The following PCDHGB1 variants were observed in gnomAD, a reference collection of about 807,000 sequenced individuals.
The protein encoded by PCDHGB1 is protocadherin gamma-B1.
PCDHGB1 carries 34 observed loss-of-function variants against 56.6 expected under a neutral mutation model. The observed-to-expected ratio is 0.60, with a 90% CI of 0.46 to 0.80. The LOEUF is 0.80. PCDHGB1 is among the 30% of genes least tolerant of loss of function. The pLI is 0.00. For synonymous variants in PCDHGB1, 561 were observed against 505.9 expected, an observed-to-expected ratio of 1.11 and a Z score of -1.46; for missense variants, 1,278 against 1,204.6, an observed-to-expected ratio of 1.06 and a Z score of -0.90.
chr5:141,408,290 A>T (rs767669019), intron 1 of PCDHGB1: 80 of 1,613,008 alleles, frequency 5.0e-5, no homozygotes, highest in Non-Finnish European at 6.1e-5. Context: ...CCCCACCCTG[A>T]GTGAGCCGAT....
intron 1 of PCDHGB1, chr5:141,361,738 C>G (rs1860251): frequency 2.5e-6 from 4 of 1,613,022 alleles, no homozygotes; most frequent in Non-Finnish European, 3.4e-6. Flanking sequence ...ACTGCAGGCC[C>G]GCGACCAGGG....
chr5:141,413,194 C>T lies in PCDHGB1; in HGVS notation c.2409+60525C>T, dbSNP rs749749411. ...GACTACAATGGCCGCTCAAAGGAAT[C>T]GCTCAAAGGAATCAAAGGATTGCAG... On this transcript the variant is annotated intron_variant, in intron 1 of 3. Coordinates refer to ENST00000523390, the MANE Select transcript of PCDHGB1 (RefSeq NM_018922.3). 5.3e-5 allele frequency: 85 copies of T among 1,607,784 alleles called. No individual in the cohort carries two copies. Among genetic ancestry groups the T allele is most frequent in the Non-Finnish European group, 7.0e-5 (82 of 1,176,492 alleles).
intron 1 of PCDHGB1, chr5:141,384,511 G>A (rs1780163912): frequency 6.2e-7 from 1 of 1,614,188 alleles, no homozygotes; most frequent in Non-Finnish European, 8.5e-7. Flanking sequence ...ACATGACAGC[G>A]GGGACCCGCC....
chr5:141,413,461 C>G (rs1294898087), intron 1 of PCDHGB1: 11 of 1,614,082 alleles, frequency 6.8e-6, no homozygotes, highest in Non-Finnish European at 7.6e-6. Flanking sequence ...CAGGATAGAC[C>G]GGGAGGAGCT....
chr5:141,478,521 G>A, intron 1 of PCDHGB1: 1 of 1,610,618 alleles, frequency 6.2e-7, no homozygotes, highest in Non-Finnish European at 8.5e-7. Context: ...CAGGTGTTGG[G>A]TGCAGAGAGC....
intron 1 of PCDHGB1, among the ~76,000 whole-genome samples, chr5:141,464,549 C>T (rs2099086404): frequency 6.6e-6 from 1 of 152,014 alleles, no homozygotes; most frequent in Non-Finnish European, 1.5e-5. Flanking sequence ...TAGCTATTCC[C>T]CATCTTGCAT....
intron 1 of PCDHGB1, chr5:141,356,428 C>A: frequency 6.8e-6 from 11 of 1,608,476 alleles, no homozygotes; most frequent in Non-Finnish European, 8.5e-6. Flanking sequence ...ACACAGAACA[C>A]TGGACAGGGA....
rs2099698809 is a variant in PCDHGB1 at position 141,490,343 on chromosome 5, T to C, written c.2410-4464T>C. On this transcript the variant is annotated intron_variant, in intron 1 of 3. Transcript: ENST00000523390. This position sits in a 1 kb window ranked among gnomAD's most constrained non-coding sequence, Gnocchi z 5.4. ...CTAGAGAGCACACCAGTGGGCACAG[T>C]AGTGGGGTTGTTTAATGTGCGAGAC... The C allele has an allele frequency of 6.2e-7, 1 of 1,614,018 alleles. No individual in the cohort carries two copies. Among genetic ancestry groups the C allele is most frequent in the Admixed American group, 1.7e-5 (1 of 60,006 alleles).
chr5:141,387,742 C>T, intron 1 of PCDHGB1: 5 of 1,340,938 alleles, frequency 3.7e-6, no homozygotes, highest in Non-Finnish European at 5.0e-6. Context: ...CTTTACACCG[C>T]TTCCTCCTCG....
rs74792071 is a variant in PCDHGB1 at position 141,437,248 on chromosome 5, T to C, written c.2410-57559T>C. 4.6e-3 allele frequency among the ~76,000 whole-genome samples: 704 copies of C among 152,360 alleles called. 4 individuals carry two copies. The highest frequency in any genetic ancestry group is 0.015 in the African/African-American group (641 of 41,594). On this transcript the variant is annotated intron_variant, in intron 1 of 3. Transcript: ENST00000523390. ...CATAAAATTATGTCAAGGACTTTCC[T>C]TGTCTTTTTATGTGTATGACAGATG... is the stretch of plus-strand genomic sequence containing the variant.
chr5:141,441,036 A>G (rs2098219746), intron 1 of PCDHGB1: 1 of 152,216 alleles, frequency 6.6e-6, no homozygotes, highest in South Asian at 2.1e-4. Context: ...TGAAAACTTT[A>G]AGTACATTGG....
chr5:141,451,069 C>G (rs2098705799), intron 1 of PCDHGB1, among the ~76,000 whole-genome samples: 1 of 151,836 alleles, frequency 6.6e-6, no homozygotes, highest in Non-Finnish European at 1.5e-5. Flanking sequence ...ACCTTGTGAT[C>G]CACCCACCTT....
intron 1 of PCDHGB1, chr5:141,355,788 G>A: frequency 6.2e-7 from 1 of 1,613,646 alleles, no homozygotes; most frequent in Non-Finnish European, 8.5e-7. Flanking sequence ...AGCTGGTGCT[G>A]GAACGCGCTC....
chr5:141,389,488 A>G (rs1405287897), intron 1 of PCDHGB1: 2 of 1,612,912 alleles, frequency 1.2e-6, no homozygotes, highest in Non-Finnish European at 1.7e-6. Flanking sequence ...GCCCGCGACC[A>G]GGGCTCGCCA....
intron 1 of PCDHGB1, chr5:141,374,277 G>C: frequency 1.2e-6 from 2 of 1,613,958 alleles, no homozygotes; most frequent in African/African-American, 1.3e-5. Context: ...CACGGAGTCC[G>C]CATCGTCTCC....
rs752744809 is a variant in PCDHGB1, at chr5:141,393,680, T to C, written c.2409+41011T>C. On this transcript the variant is annotated intron_variant, in intron 1 of 3. Coordinates refer to ENST00000523390, the MANE Select transcript of PCDHGB1 (RefSeq NM_018922.3). The stretch of plus-strand genomic sequence containing the variant: ...TCCGGAAAATTAATGAAAAACAAAC[T>C]CCGTTATTCCAGCTTAATGAAAATA... 8 of 1,613,764 alleles carry C rather than the reference T, an allele frequency of 5.0e-6. No individual in the cohort carries two copies. The East Asian group carries it at 1.1e-4, about 22-fold the overall frequency.
chr5:141,361,947 G>A (rs1762247949), intron 1 of PCDHGB1: 7 of 1,604,064 alleles, frequency 4.4e-6, no homozygotes, highest in Non-Finnish European at 5.9e-6. Context: ...ACGCTTGGCT[G>A]TCCTACCACG....
intron 1 of PCDHGB1, chr5:141,378,086 T>G (rs1774615238): frequency 6.6e-6 from 1 of 150,862 alleles, no homozygotes. Context: ...TTTTATAACT[T>G]TTTTTCAAAC....
At chr5:141,467,337 G>A (rs1018807977) in intron 1 of PCDHGB1, among the ~76,000 whole-genome samples, 1 of 152,162 alleles carries the variant, frequency 6.6e-6, no homozygotes, top group Admixed American at 6.6e-5. Flanking sequence ...AGAGACGTAA[G>A]CCACTGCCCC....
Sources: allele counts gnomAD v4.1 joint callset (sites outside exome capture counted in the v4.1 genomes callset), GRCh38; gene constraint gnomAD v4.1.1; non-coding constraint Gnocchi (gnomAD v3.1); transcripts MANE v1.5; gene names NCBI Gene and HGNC (gene_info 2026-07-23, HGNC 2026-07-21).